Variants in SLC25A12 observed in about 807,000 individuals in gnomAD.
SLC25A12 encodes electrogenic aspartate/glutamate antiporter SLC25A12, mitochondrial.
Under a neutral mutation model 83.3 loss-of-function variants are expected in SLC25A12, and 32 were observed. The observed-to-expected ratio is 0.38, with a 90% CI of 0.29 to 0.52. The LOEUF is 0.52. Among genes scored for constraint, SLC25A12 ranks in the 20% least tolerant of loss-of-function variants. The pLI, the probability that SLC25A12 is intolerant of heterozygous loss-of-function variation, is 0.84. For missense variants in SLC25A12, 611 were observed against 835.6 expected (o/e 0.73, Z 3.31); for synonymous variants, 267 against 291.1 (o/e 0.92, Z 0.84).
intron 17 of SLC25A12, among the ~76,000 whole-genome samples, chr2:171,786,944 T>G (rs1455580668): frequency 2.0e-5 from 3 of 152,238 alleles, no homozygotes; most frequent in Non-Finnish European, 4.4e-5. Context: ...TTTACATTAC[T>G]TCTGTGAAAG....
At chr2:171,870,833 G>A (rs1303060930) in intron 2 of SLC25A12, among the ~76,000 whole-genome samples, 2 of 152,214 alleles carry the variant, frequency 1.3e-5, no homozygotes, top group Non-Finnish European at 2.9e-5. Context: ...GCAAATGATT[G>A]TTGGTTTGCT....
At chr2:171,839,350 G>C (rs1324683660) in intron 5 of SLC25A12, among the ~76,000 whole-genome samples, 1 of 152,158 alleles carries the variant, frequency 6.6e-6, no homozygotes, top group Non-Finnish European at 1.5e-5. Context: ...AAACAATACT[G>C]TGGGCTTATA....
Position 171,792,023 on chromosome 2 carries a change from G to A in SLC25A12, c.1447-434C>T, listed in dbSNP as rs147832272. Among the ~76,000 whole-genome samples the A allele has an allele frequency of 1.5e-3, 226 of 152,218 alleles. 4 individuals are homozygous for A. In the Middle Eastern group the frequency reaches 0.034, roughly 23 times the overall value. ...TAAAAAGCTATAGGCAGTGGTGAAG[G>A]AAAAGTAACTACTCTAGAGCAGGGG... On this transcript the variant is annotated intron_variant, in intron 14 of 17. Coordinates refer to ENST00000422440, the MANE Select transcript of SLC25A12 (RefSeq NM_003705.5).
chr2:171,809,478 G>A (rs1003906162), intron 13 of SLC25A12, 128 bp downstream of exon 13: 6 of 793,314 alleles, frequency 7.6e-6, no homozygotes, highest in Non-Finnish European at 1.3e-5. Flanking sequence ...TATTCCATAT[G>A]ATTATTGAGA....
rs1164546033 is a variant in SLC25A12, at chr2:171,814,259, G to A, written c.1013-762C>T. Among the ~76,000 whole-genome samples the A allele has an allele frequency of 2.6e-5, 4 of 152,088 alleles. No homozygotes were observed. In the South Asian group the frequency reaches 6.2e-4, roughly 24 times the overall value. ...CTTCTCAACAAAGCAACTTCAGATT[G>A]TACACATTTTCTAAGTAGAGTATTT... On this transcript the variant is annotated intron_variant, in intron 10 of 17. Coordinates refer to ENST00000422440, the MANE Select transcript of SLC25A12 (RefSeq NM_003705.5).
intron 5 of SLC25A12, among the ~76,000 whole-genome samples, chr2:171,843,144 T>G (rs929341199): frequency 2.0e-5 from 3 of 152,154 alleles, no homozygotes; most frequent in Admixed American, 6.5e-5. Flanking sequence ...TTTAAATGAT[T>G]AATTTTATGT....
intron 15 of SLC25A12, 51 bp from the exon 16 acceptor site, chr2:171,787,998 A>G: frequency 1.3e-6 from 2 of 1,583,608 alleles, no homozygotes; most frequent in Admixed American, 3.4e-5. Context: ...TATAAAAGAT[A>G]GGAATACTGC....
intron 3 of SLC25A12, among the ~76,000 whole-genome samples, chr2:171,867,080 C>T (rs1382705990): frequency 6.6e-6 from 1 of 151,476 alleles, no homozygotes; most frequent in Non-Finnish European, 1.5e-5. Flanking sequence ...CGATGGGCGG[C>T]CGGGCAGAGA....
chr2:171,813,278 TA>T (rs1315518985), intron 11 of SLC25A12, 60 bp downstream of exon 11: 1 of 1,584,782 alleles, frequency 6.3e-7, no homozygotes, highest in Non-Finnish European at 8.7e-7. Flanking sequence ...ATTAGTGAGT[TA>T]AAATCTGCTG....
At chr2:171,877,394 C>T (rs1190599516) in intron 2 of SLC25A12, among the ~76,000 whole-genome samples, 3 of 152,062 alleles carry the variant, frequency 2.0e-5, no homozygotes, top group Non-Finnish European at 2.9e-5. Flanking sequence ...CGGCTGGGCA[C>T]GGTGGCTCAC....
intron 3 of SLC25A12, among the ~76,000 whole-genome samples, chr2:171,860,442 T>C (rs1685130317): frequency 6.6e-6 from 1 of 151,688 alleles, no homozygotes; most frequent in Non-Finnish European, 1.5e-5. Context: ...CTACTAAAAA[T>C]ACAAAAAAAA....
chr2:171,793,872 G>A (rs6745143), intron 13 of SLC25A12, 105 bp from the exon 14 acceptor site: 366,579 of 1,358,068 alleles, frequency 0.27, 50,915 homozygotes, highest in African/African-American at 0.37. Context: ...ATCTTGAAAA[G>A]AAGGAGGTGA....
intron 3 of SLC25A12, among the ~76,000 whole-genome samples, chr2:171,859,623 G>C (rs1220486858): frequency 1.3e-5 from 2 of 152,222 alleles, no homozygotes; most frequent in East Asian, 3.8e-4. Context: ...ACCTATGTGA[G>C]ATAGCTAAAA....
chr2:171,893,116 C>A, intron 2 of SLC25A12, 89 bp downstream of exon 2: 1 of 1,010,804 alleles, frequency 9.9e-7, no homozygotes, highest in Non-Finnish European at 1.6e-6. Flanking sequence ...GAAAACTGAA[C>A]ATTCCTCAAA....
Position 171,810,230 on chromosome 2 carries a change from T to C in SLC25A12, c.1218A>G (p.Lys406=), listed in dbSNP as rs567052068. The change falls in exon 12 of 18, where the codon AAA becomes AAG. Residue 406 remains lysine, a synonymous_variant. Coordinates refer to ENST00000422440, the MANE Select transcript of SLC25A12 (RefSeq NM_003705.5). ...LIGVAPEKAI[K]LTVNDFVRDK... ...CAGTTAGAGATAAACTTACAGTCAG[T>C]TTAATGGCCTTTTCTGGAGCAACCC... 1 of 1,613,158 alleles carries C rather than the reference T, an allele frequency of 6.2e-7. No individual in the cohort carries two copies. The highest frequency in any genetic ancestry group is 8.5e-7 in the Non-Finnish European group (1 of 1,179,184).
At position 171,806,247 on chromosome 2, in the gene SLC25A12, G is replaced by A. The variant is rs553285216; in HGVS notation, c.1305+3359C>T. On this transcript the variant is annotated intron_variant, in intron 13 of 17. Coordinates refer to ENST00000422440, the MANE Select transcript of SLC25A12 (RefSeq NM_003705.5). ...GGCCGAGGCCGGTGGATCACCTGAG[G>A]TCGGGAGTTTGAGACCAGCCTAACA... 2.4e-4 allele frequency among the ~76,000 whole-genome samples: 37 copies of A among 152,274 alleles called. No homozygotes were observed. In the South Asian group the frequency reaches 2.9e-3, roughly 12 times the overall value.
chr2:171,805,285 A>G (rs1683801887), intron 13 of SLC25A12, among the ~76,000 whole-genome samples: 1 of 151,466 alleles, frequency 6.6e-6, no homozygotes, highest in African/African-American at 2.4e-5. Flanking sequence ...ATTTTTTTGT[A>G]TTTTCAGTAG....
At chr2:171,798,308 G>A (rs1170700963) in intron 13 of SLC25A12, among the ~76,000 whole-genome samples, 1 of 152,152 alleles carries the variant, frequency 6.6e-6, no homozygotes, top group Non-Finnish European at 1.5e-5. Context: ...ACAGGATTAG[G>A]CCTATTCAAC....
rs1683923553 is a variant in SLC25A12, at chr2:171,810,378, T to C, written c.1172-102A>G. 4.4e-6 allele frequency: 4 copies of C among 915,224 alleles called. No individual in the cohort carries two copies. The Admixed American group carries it at 6.8e-5, about 16-fold the overall frequency. 56.7% of individuals were successfully genotyped at this position (915,224 alleles called of 1,614,324 possible). ...CCCCATATTATTTACCCATCAAACA[T>C]TGCAGAGTTTTCATTAAAATGGGAA... On this transcript the variant is annotated intron_variant, in intron 11 of 17. Transcript: ENST00000422440.
Sources: gnomAD v4.1 joint callset for allele counts (sites outside exome capture counted in the v4.1 genomes callset) on GRCh38, gnomAD v4.1.1 for gene constraint, MANE v1.5 for transcripts, NCBI Gene and HGNC (gene_info 2026-07-23, HGNC 2026-07-21) for gene names.